The following SRBD1 variants were observed in gnomAD, a reference collection of about 807,000 sequenced individuals.
SRBD1 encodes S1 RNA binding domain 1.
Under a neutral mutation model 115.3 loss-of-function variants are expected in SRBD1, and 88 were observed. The ratio of observed to expected loss-of-function variants is 0.76; its 90% CI spans 0.64 to 0.91. The LOEUF is 0.91. SRBD1 is among the 40% of genes least tolerant of loss of function. The pLI is 0.00. For missense variants in SRBD1, 1,385 were observed against 1,177.4 expected (o/e 1.18, Z -2.58); for synonymous variants, 509 against 407.7 (o/e 1.25, Z -2.99).
At chr2:45,469,956 C>T (rs1669597765) in intron 16 of SRBD1, among the ~76,000 whole-genome samples, 1 of 152,160 alleles carries the variant, frequency 6.6e-6, no homozygotes, top group Admixed American at 6.5e-5. Flanking sequence ...AGTTTTAGAA[C>T]AATTTCCTCT....
chr2:45,554,006 T>C (rs549169564), intron 10 of SRBD1, among the ~76,000 whole-genome samples: 84 of 152,290 alleles, frequency 5.5e-4, no homozygotes, highest in African/African-American at 1.9e-3. Flanking sequence ...TTATTAATAA[T>C]GGCCAAAATC....
At chr2:45,594,819 T>C (rs1673843374) in intron 4 of SRBD1, among the ~76,000 whole-genome samples, 1 of 152,216 alleles carries the variant, frequency 6.6e-6, no homozygotes, top group African/African-American at 2.4e-5. Context: ...CCAAGAAATC[T>C]AAAGAATGAT....
chr2:45,444,465 G>T (rs1256002911), intron 16 of SRBD1, among the ~76,000 whole-genome samples: 1 of 151,980 alleles, frequency 6.6e-6, no homozygotes, highest in Non-Finnish European at 1.5e-5. Flanking sequence ...GTGGGACAGT[G>T]GTAATTTTTT....
In SRBD1 at chr2:45,595,484, ATGTTACAGGTATTT is replaced by A. The variant is rs542827604; in HGVS notation, c.648+3951_648+3964del. Among the ~76,000 whole-genome samples, 348 of 152,308 alleles carry A rather than the reference ATGTTACAGGTATTT, an allele frequency of 2.3e-3. 2 individuals are homozygous for A. The highest frequency in any genetic ancestry group is 8.0e-3 in the African/African-American group (332 of 41,580). On this transcript the variant is annotated intron_variant, in intron 4 of 20. Transcript: ENST00000263736. ...ATACATTTTGTGGCAGATAATATGC[ATGTTACAGGTATTT>A]TGTTGAGTCTGATCCTTATCCAAAT...
intron 16 of SRBD1, among the ~76,000 whole-genome samples, chr2:45,451,682 C>CTT (rs71898482): frequency 9.7e-5 from 14 of 144,238 alleles, no homozygotes; most frequent in Middle Eastern, 3.5e-3. Context: ...ATCCTCCAAA[C>CTT]TTTTTTTTTT....
chr2:45,483,993 A>G (rs1201454914), intron 15 of SRBD1, among the ~76,000 whole-genome samples: 1 of 152,134 alleles, frequency 6.6e-6, no homozygotes. Flanking sequence ...TGATGTACCT[A>G]AAAAGGGTGA....
At chr2:45,488,107 T>G (rs1670174765) in intron 15 of SRBD1, 133 bp downstream of exon 15, 1 of 711,018 alleles carries the variant, frequency 1.4e-6, no homozygotes, top group Non-Finnish European at 2.4e-6. Context: ...ACCACTTTCT[T>G]TCTAATATGC....
At chr2:45,508,577 T>C (rs1670866816) in intron 14 of SRBD1, among the ~76,000 whole-genome samples, 1 of 152,166 alleles carries the variant, frequency 6.6e-6, no homozygotes, top group Non-Finnish European at 1.5e-5. Flanking sequence ...GTATCTCTAA[T>C]ATTATTGTAG....
chr2:45,511,165 A>T (rs1200999586), intron 14 of SRBD1, among the ~76,000 whole-genome samples: 2 of 152,214 alleles, frequency 1.3e-5, no homozygotes, highest in Non-Finnish European at 2.9e-5. Flanking sequence ...ATCTACCACC[A>T]ATCATTTAAC....
intron 14 of SRBD1, among the ~76,000 whole-genome samples, chr2:45,503,601 T>C (rs1482611343): frequency 2.6e-5 from 4 of 152,198 alleles, no homozygotes; most frequent in South Asian, 2.1e-4. Flanking sequence ...CTTTCTTAGT[T>C]GAAAATCTAT....
intron 16 of SRBD1, among the ~76,000 whole-genome samples, chr2:45,434,897 T>C (rs1668443223): frequency 6.6e-6 from 1 of 152,052 alleles, no homozygotes; most frequent in South Asian, 2.1e-4. Flanking sequence ...ATTAGGTATT[T>C]CTCCTAATGC....
intron 14 of SRBD1, among the ~76,000 whole-genome samples, chr2:45,527,958 C>T (rs975783383): frequency 5.3e-5 from 8 of 151,644 alleles, no homozygotes; most frequent in Non-Finnish European, 1.0e-4. Flanking sequence ...AAAACAGGAG[C>T]CAAAATTTCA....
chr2:45,441,168 A>G (rs1387957233), intron 16 of SRBD1, among the ~76,000 whole-genome samples: 1 of 152,124 alleles, frequency 6.6e-6, no homozygotes, highest in Admixed American at 6.6e-5. Flanking sequence ...GATCCACATT[A>G]ATGTGGAGTC....
intron 16 of SRBD1, among the ~76,000 whole-genome samples, chr2:45,451,785 T>C (rs1205178647): frequency 6.6e-6 from 1 of 151,770 alleles, no homozygotes; most frequent in East Asian, 1.9e-4. Context: ...TGATGGCTCC[T>C]CTCAACACCA....
At chr2:45,589,054 T>C (rs1183578981) in intron 4 of SRBD1, among the ~76,000 whole-genome samples, 1 of 152,206 alleles carries the variant, frequency 6.6e-6, no homozygotes, top group East Asian at 1.9e-4. Context: ...AAGCTCTGTT[T>C]CCACTAATAG....
chr2:45,405,741 T>C (rs928539438), intron 19 of SRBD1, among the ~76,000 whole-genome samples: 1 of 74,458 alleles, frequency 1.3e-5, no homozygotes, highest in African/African-American at 5.0e-5. Context: ...GTGTCAAATG[T>C]GGCAGAATGG....
chr2:45,409,234 T>C (rs35552039), intron 19 of SRBD1, among the ~76,000 whole-genome samples: 15,807 of 151,852 alleles, frequency 0.1, 1,006 homozygotes, highest in East Asian at 0.2. Context: ...TCCCCTCCGA[T>C]TGATTCTCCC....
At chr2:45,391,115 T>G (rs773663405) in intron 20 of SRBD1, among the ~76,000 whole-genome samples, 1 of 152,174 alleles carries the variant, frequency 6.6e-6, no homozygotes, top group Non-Finnish European at 1.5e-5. Context: ...GCAGATTCCC[T>G]AAGGGTTCCT....
At chr2:45,556,245 C>T (rs1482840670) in intron 10 of SRBD1, among the ~76,000 whole-genome samples, 2 of 152,064 alleles carry the variant, frequency 1.3e-5, no homozygotes, top group African/African-American at 4.8e-5. Flanking sequence ...AGTAGGATTT[C>T]TCTACTCCAT....
Sources: allele counts gnomAD v4.1 joint callset (sites outside exome capture counted in the v4.1 genomes callset), GRCh38; gene constraint gnomAD v4.1.1; transcripts MANE v1.5; gene names NCBI Gene and HGNC (gene_info 2026-07-23, HGNC 2026-07-21).